The following CASP8 variants were observed in gnomAD, a reference collection of about 807,000 sequenced individuals.
The protein encoded by CASP8 is caspase-8.
CASP8 carries 24 observed loss-of-function variants against 46.3 expected under a neutral mutation model. That is an observed-to-expected ratio of 0.52 (90% CI 0.38 to 0.73). The LOEUF (loss-of-function observed/expected upper bound fraction) is 0.73, where lower values mean the gene tolerates loss of function less well. Ranked by LOEUF, CASP8 falls within the 30% of genes least tolerant of loss-of-function variation. The pLI, the probability that CASP8 is intolerant of heterozygous loss-of-function variation, is 0.00. For missense variants in CASP8, 460 were observed against 559.0 expected (o/e 0.82, Z 1.79); for synonymous variants, 188 against 200.4 (o/e 0.94, Z 0.52).
chr2:201,252,354 C>A (rs1202871248), intron 2 of CASP8, among the ~76,000 whole-genome samples: 1 of 152,092 alleles, frequency 6.6e-6, no homozygotes, highest in East Asian at 1.9e-4. Context: ...TGGCTCACTG[C>A]AACCTCTACC....
chr2:201,256,556 T>C (rs1431423585), upstream of CASP8, among the ~76,000 whole-genome samples: 1 of 152,214 alleles, frequency 6.6e-6, no homozygotes, highest in Non-Finnish European at 1.5e-5. Flanking sequence ...TTTAAATTTG[T>C]TGCTCTTCCA....
At chr2:201,283,054 C>T in intron 7 of CASP8, among the ~76,000 whole-genome samples, 1 of 73,860 alleles carries the variant, frequency 1.4e-5, no homozygotes, top group Non-Finnish European at 3.4e-5. Flanking sequence ...GCTGACCCCC[C>T]CTCCCCCCTC....
chr2:201,249,146 G>T (rs1946662578), intron 2 of CASP8, among the ~76,000 whole-genome samples: 1 of 152,192 alleles, frequency 6.6e-6, no homozygotes, highest in African/African-American at 2.4e-5. Flanking sequence ...ACCTGCCTTG[G>T]CCTCCCAAAG....
At chr2:201,263,570 AT>A (rs1460131067) in intron 1 of CASP8, among the ~76,000 whole-genome samples, 1 of 152,210 alleles carries the variant, frequency 6.6e-6, no homozygotes, top group Non-Finnish European at 1.5e-5. Flanking sequence ...ATTATACATA[AT>A]TTTAATTTTC....
chr2:201,278,280 T>G (rs1264288812), intron 7 of CASP8: 1 of 152,254 alleles, frequency 6.6e-6, no homozygotes, highest in Non-Finnish European at 1.5e-5. Context: ...TGTTCTTATG[T>G]TTTATGCTGA....
At chr2:201,262,819 C>T (rs571818275) in intron 1 of CASP8, among the ~76,000 whole-genome samples, 4 of 152,210 alleles carry the variant, frequency 2.6e-5, no homozygotes, top group African/African-American at 7.2e-5. Flanking sequence ...CTGGATGGCC[C>T]GTTGTTAATG....
chr2:201,275,376 C>G (rs1948569120), intron 6 of CASP8, among the ~76,000 whole-genome samples: 1 of 152,310 alleles, frequency 6.6e-6, no homozygotes, highest in South Asian at 2.1e-4. Flanking sequence ...AAGCAGCAAA[C>G]TCTCACAATC....
chr2:201,248,362 C>G (rs1314070505), intron 2 of CASP8, among the ~76,000 whole-genome samples: 2 of 152,056 alleles, frequency 1.3e-5, no homozygotes, highest in Non-Finnish European at 2.9e-5. Flanking sequence ...AGTGAATGTC[C>G]GTCCAGATGA....
At chr2:201,270,968 G>T (rs1197243048) in intron 2 of CASP8, among the ~76,000 whole-genome samples, 2 of 152,194 alleles carry the variant, frequency 1.3e-5, no homozygotes, top group African/African-American at 4.8e-5. Context: ...AGGGGATGGG[G>T]TGTAGCGGCA....
Position 201,277,765 on chromosome 2 carries a change from A to G in CASP8, c.802+797A>G, listed in dbSNP as rs549644528. On this transcript the variant is annotated intron_variant, in intron 7 of 8. Coordinates refer to ENST00000673742, the MANE Select transcript of CASP8 (RefSeq NM_001372051.1). ...GCCCAGGCTGGAGTGCAGTGGTGTG[A>G]TCTCAGCTCACTGCAGCCTCCACCT... 24 of 406,960 alleles carry G rather than the reference A, an allele frequency of 5.9e-5. No individual in the cohort carries two copies. The East Asian group carries it at 2.0e-3, about 34-fold the overall frequency. The allele number at this position is 406,960 out of a possible 1,614,324, so 25.2% of individuals were successfully genotyped here. A position where few individuals can be genotyped will look rare whatever the true frequency, so the allele number is the denominator to read the frequency against.
In CASP8 at chr2:201,285,110, A is replaced by G; in HGVS notation, c.1097A>G (p.Gln366Arg). The part of the protein sequence containing the change: ...FIQACQGDNY[Q>R]KGIPVETDSE... ...CAGGCTTGTCAGGGGGATAACTACCAGAAAGGTATACCTGTTGAGACTGAT... is the reference window on the plus strand; with the variant it reads ...CAGGCTTGTCAGGGGGATAACTACCGGAAAGGTATACCTGTTGAGACTGAT... Residue 366 changes from glutamine to arginine, a missense_variant, in exon 8 of 9, where the codon CAG becomes CGG. By Grantham distance (43) the Gln-to-Arg change is conservative (BLOSUM62 1). Coordinates refer to ENST00000673742, the MANE Select transcript of CASP8 (RefSeq NM_001372051.1). The G allele has an allele frequency of 1.2e-6, 2 of 1,614,214 alleles. No homozygotes were observed. The highest frequency in any genetic ancestry group is 1.7e-6 in the Non-Finnish European group (2 of 1,180,036).
In CASP8 at chr2:201,272,166, CCT is replaced by C. The variant is rs1491542577; in HGVS notation, c.412-471_412-470del. Among the ~76,000 whole-genome samples the C allele has an allele frequency of 6.6e-6, 1 of 150,582 alleles. No homozygotes were observed. Among genetic ancestry groups the C allele is most frequent in the Non-Finnish European group, 1.5e-5 (1 of 67,592 alleles). On this transcript the variant is annotated intron_variant, in intron 3 of 8. Coordinates refer to ENST00000673742, the MANE Select transcript of CASP8 (RefSeq NM_001372051.1). The surrounding 1 kb of genome is among the most constrained non-coding windows in gnomAD (Gnocchi z 4.4). ...GTGTAGTGTGTATTGTATTTATGCC[CCT>C]GTGTGTGTATCACTGAGTATACTCT...
intron 2 of CASP8, among the ~76,000 whole-genome samples, chr2:201,238,677 A>G (rs1946162005): frequency 6.6e-6 from 1 of 152,172 alleles, no homozygotes; most frequent in Non-Finnish European, 1.5e-5. Context: ...TCCTGGCCTC[A>G]AGTAATCTGC....
At chr2:201,235,822 T>C (rs759925545) in intron 2 of CASP8, among the ~76,000 whole-genome samples, 1 of 152,228 alleles carries the variant, frequency 6.6e-6, no homozygotes, top group Non-Finnish European at 1.5e-5. Context: ...TAATACGGTA[T>C]TTTTACTGTA....
intron 2 of CASP8, among the ~76,000 whole-genome samples, chr2:201,247,837 C>G (rs891283136): frequency 7.2e-5 from 11 of 152,192 alleles, no homozygotes; most frequent in South Asian, 2.1e-4. Flanking sequence ...GTGGAGACAG[C>G]GTTTCACTGT....
chr2:201,285,029 A>C lies in CASP8; in HGVS notation c.1016A>C (p.Gln339Pro). 2 of 1,614,196 alleles carry C rather than the reference A, an allele frequency of 1.2e-6. No homozygotes were observed. Among genetic ancestry groups the C allele is most frequent in the Non-Finnish European group, 1.7e-6 (2 of 1,180,034 alleles). The change falls in exon 8 of 9, where the codon CAG (glutamine) becomes CCG (proline). Residue 339 changes from glutamine (Q) to proline (P), a missense_variant. By Grantham distance (76) the Gln-to-Pro change is moderately conservative. Coordinates refer to ENST00000673742, the MANE Select transcript of CASP8 (RefSeq NM_001372051.1). ...QEAPIYELTS[Q>P]FTGLKCPSLA... ...GCCCCCATCTATGAGCTGACATCTC[A>C]GTTCACTGGTTTGAAGTGCCCTTCC...
Position 201,276,833 on chromosome 2 carries a change from G to A in CASP8, c.667G>A (p.Asp223Asn), listed in dbSNP as rs772942337. The A allele has an allele frequency of 5.0e-6, 8 of 1,613,908 alleles. No individual in the cohort carries two copies. Among genetic ancestry groups the A allele is most frequent in the African/African-American group, 1.3e-5 (1 of 74,866 alleles). Residue 223 changes from aspartate to asparagine, a missense_variant, in exon 7 of 9, where the codon GAC (aspartate) becomes AAC (asparagine). Physicochemically the swap from Asp to Asn is conservative, Grantham distance 23. Transcript: ENST00000673742. ...TTGGGTTTTTGTTTTCCAGACTTTGGACAAAGTTTACCAAATGAAAAGCAA... is the reference window on the plus strand; with the variant it reads ...TTGGGTTTTTGTTTTCCAGACTTTGAACAAAGTTTACCAAATGAAAAGCAA... ...REQDSESQTL[D>N]KVYQMKSKPR...
chr2:201,285,841 T>C (rs1435324450), intron 8 of CASP8, among the ~76,000 whole-genome samples: 1 of 152,226 alleles, frequency 6.6e-6, no homozygotes, highest in Non-Finnish European at 1.5e-5. Context: ...AAATAGCAGG[T>C]TCCTTCTAGC....
At position 201,266,608 on chromosome 2, in the gene CASP8, C is replaced by G. The variant is rs1356214774; in HGVS notation, c.122C>G (p.Ala41Gly). 2.5e-6 allele frequency: 4 copies of G among 1,614,154 alleles called. No homozygotes were observed. Among genetic ancestry groups the G allele is most frequent in the Non-Finnish European group, 3.4e-6 (4 of 1,180,030 alleles). The change falls in exon 2 of 9, where the codon GCC becomes GGC. Residue 41 changes from alanine (A) to glycine (G), a missense_variant. Ala to Gly is a moderately conservative substitution (Grantham distance 60). Transcript: ENST00000673742. This position sits in a 1 kb window ranked among gnomAD's most constrained non-coding sequence, Gnocchi z 5.7. ...PQRKQEPIKD[A>G]LMLFQRLQEK... ...AGGAAGCAAGAACCCATCAAGGATGCCTTGATGTTATTCCAGAGACTCCAG... is the reference window on the plus strand; with the variant it reads ...AGGAAGCAAGAACCCATCAAGGATGGCTTGATGTTATTCCAGAGACTCCAG...
Sources: gnomAD v4.1 joint callset for allele counts (sites outside exome capture counted in the v4.1 genomes callset) on GRCh38, gnomAD v4.1.1 for gene constraint, Gnocchi (gnomAD v3.1) non-coding constraint, MANE v1.5 for transcripts, NCBI Gene and HGNC (gene_info 2026-07-23, HGNC 2026-07-21) for gene names.